TLR5: variants seen among roughly 807,000 people sequenced by gnomAD.
TLR5 encodes the protein toll like receptor 5, also known as toll-like receptor 5.
For missense variants in TLR5, 944 were observed against 999.8 expected, an observed-to-expected ratio of 0.94 and a Z score of 0.75; for synonymous variants, 373 against 384.4, an observed-to-expected ratio of 0.97 and a Z score of 0.35.
At chr1:223,123,955 C>G (rs1657051804) in intron 5 of TLR5, 1 of 152,226 alleles carries the variant, frequency 6.6e-6, no homozygotes, top group Non-Finnish European at 1.5e-5. Context: ...GGGCAGTGAG[C>G]TGCTCACTCA....
rs1414749227 is a variant in TLR5, at chr1:223,111,906, G to C, written c.1126C>G (p.Gln376Glu). ...TCCAGGAATTTGAATGTTTGGTCTT[G>C]AATTATTGCAATGTGATTCTTTTGC... ...DLQKNHIAIIQDQTFKFLEKL... is the reference protein window; with the variant it reads ...DLQKNHIAIIEDQTFKFLEKL... Residue 376 changes from glutamine to glutamate, a missense_variant, in exon 6 of 6, where the codon CAA (glutamine) becomes GAA (glutamate). Gln to Glu is a conservative substitution (Grantham distance 29, BLOSUM62 2). Coordinates refer to ENST00000642603, the MANE Select transcript of TLR5 (RefSeq NM_003268.6). 1.2e-6 allele frequency: 2 copies of C among 1,614,060 alleles called. No homozygotes were observed. The highest frequency in any genetic ancestry group is 3.3e-5 in the Admixed American group (2 of 60,022).
chr1:223,113,115 T>G, intron 5 of TLR5, 80 bp from the exon 6 acceptor site: 1 of 1,369,588 alleles, frequency 7.3e-7, no homozygotes, highest in East Asian at 2.3e-5. Flanking sequence ...CTTGGGGGTA[T>G]TCTCTATGAT....
At chr1:223,126,218 GA>G (rs1657160179) in intron 5 of TLR5, among the ~76,000 whole-genome samples, 1 of 152,204 alleles carries the variant, frequency 6.6e-6, no homozygotes, top group African/African-American at 2.4e-5. Context: ...GATGAACTTT[GA>G]AGACATTATG....
intron 2 of TLR5, among the ~76,000 whole-genome samples, chr1:223,139,737 T>C (rs571561925): frequency 9.2e-5 from 14 of 152,138 alleles, no homozygotes; most frequent in African/African-American, 3.4e-4. Flanking sequence ...GTGAAGGCAA[T>C]AGGGGGTGCT....
intron 2 of TLR5, among the ~76,000 whole-genome samples, chr1:223,138,496 C>T (rs1020851740): frequency 1.3e-5 from 2 of 152,130 alleles, no homozygotes; most frequent in Non-Finnish European, 2.9e-5. Flanking sequence ...TCAGTGACCA[C>T]ATTTGCTTTC....
chr1:223,132,180 T>C (rs1184241631), intron 5 of TLR5, among the ~76,000 whole-genome samples: 3 of 151,996 alleles, frequency 2.0e-5, no homozygotes, highest in Admixed American at 6.6e-5. Context: ...CTGGGCCACA[T>C]AGTGAGACCT....
At chr1:223,117,453 G>A (rs541371981) in intron 5 of TLR5, among the ~76,000 whole-genome samples, 1 of 151,378 alleles carries the variant, frequency 6.6e-6, no homozygotes, top group African/African-American at 2.4e-5. Flanking sequence ...AGGAGGCACC[G>A]AGAGTGAGCG....
At chr1:223,120,787 A>G (rs1240202421) in intron 5 of TLR5, among the ~76,000 whole-genome samples, 1 of 152,210 alleles carries the variant, frequency 6.6e-6, no homozygotes, top group East Asian at 1.9e-4. Context: ...TGTAATAAAA[A>G]AGTTTGAGAA....
chr1:223,119,731 G>A lies in TLR5; in HGVS notation c.-4-6696C>T, dbSNP rs367896945. Reference sequence around the variant, plus strand: ...TCCCAGCACTTTGGGAGGCCAAGGTGGGCAGATCATCTGAGGTCAGGAGTT... The same window carrying A: ...TCCCAGCACTTTGGGAGGCCAAGGTAGGCAGATCATCTGAGGTCAGGAGTT... On this transcript the variant is annotated intron_variant, in intron 5 of 5. Transcript: ENST00000642603. 2.6e-5 allele frequency among the ~76,000 whole-genome samples: 4 copies of A among 151,728 alleles called. No individual in the cohort carries two copies. The East Asian group carries it at 5.9e-4, about 22-fold the overall frequency.
rs760993518 is a variant in TLR5 at position 223,112,871 on chromosome 1, C to T, written c.161G>A (p.Ser54Asn). 1.2e-6 allele frequency: 2 copies of T among 1,613,980 alleles called. No individual in the cohort carries two copies. Among genetic ancestry groups the T allele is most frequent in the Admixed American group, 1.7e-5 (1 of 60,014 alleles). The change falls in exon 6 of 6, where the codon AGC (serine) becomes AAC (asparagine). Residue 54 changes from serine to asparagine, a missense_variant. Physicochemically the swap from Ser to Asn is conservative, Grantham distance 46 (BLOSUM62 1). Coordinates refer to ENST00000642603, the MANE Select transcript of TLR5 (RefSeq NM_003268.6). ...AGTGACTGTCCTGATATAGTTGAAG[C>T]TCAGCAGGAGCCTCTCAGTGGTGTT... ...VLNTTERLLLSFNYIRTVTAS... is the reference protein window; with the variant it reads ...VLNTTERLLLNFNYIRTVTAS...
rs1656277772 is a variant in TLR5, at chr1:223,110,781, T to G, written c.2251A>C (p.Ser751Arg). ...IANIQDAIWNSRKIVCLVSRH... is the reference protein window; with the variant it reads ...IANIQDAIWNRRKIVCLVSRH... ...CTCACAAGACAAACGATCTTTCTAC[T>G]GTTCCAGATGGCATCCTGGATATTG... is the stretch of plus-strand genomic sequence containing the variant. Residue 751 changes from serine to arginine, a missense_variant, in exon 6 of 6, where the codon AGT becomes CGT. Transcript: ENST00000642603. 6.2e-7 allele frequency: 1 copy of G among 1,614,136 alleles called. No homozygotes were observed. Among genetic ancestry groups the G allele is most frequent in the Admixed American group, 1.7e-5 (1 of 60,002 alleles).
intron 2 of TLR5, chr1:223,141,347 A>G (rs1487950604): frequency 1.3e-5 from 2 of 152,102 alleles, no homozygotes; most frequent in African/African-American, 2.4e-5. Flanking sequence ...TGGCACCTAC[A>G]TGCTTTTTGC....
chr1:223,122,607 T>C (rs1656998373), intron 5 of TLR5, among the ~76,000 whole-genome samples: 1 of 152,228 alleles, frequency 6.6e-6, no homozygotes, highest in African/African-American at 2.4e-5. Flanking sequence ...GATTCTGAAG[T>C]GCCCTAACAA....
chr1:223,125,396 G>A (rs535930469), intron 5 of TLR5, among the ~76,000 whole-genome samples: 242 of 152,316 alleles, frequency 1.6e-3, no homozygotes, highest in African/African-American at 5.3e-3. Context: ...GGGAATGAGT[G>A]CAGACTCAGA....
chr1:223,111,525 G>T lies in TLR5; in HGVS notation c.1507C>A (p.His503Asn). The T allele has an allele frequency of 6.2e-7, 1 of 1,614,176 alleles. No homozygotes were observed. Among genetic ancestry groups the T allele is most frequent in the Non-Finnish European group, 8.5e-7 (1 of 1,180,040 alleles). Residue 503 changes from histidine to asparagine, a missense_variant, in exon 6 of 6, where the codon CAT (histidine) becomes AAT (asparagine). Coordinates refer to ENST00000642603, the MANE Select transcript of TLR5 (RefSeq NM_003268.6). Reference protein sequence around the residue: ...LCWDVFEGLSHLQVLYLNHNY... With the variant: ...LCWDVFEGLSNLQVLYLNHNY... Reference sequence around the variant, plus strand: ...TGATTCAAATACAGAACTTGAAGATGAGAAAGTCCCTCAAAAACATCCCAA... The same window carrying T: ...TGATTCAAATACAGAACTTGAAGATTAGAAAGTCCCTCAAAAACATCCCAA...
At chr1:223,137,689 A>G (rs5744132) in intron 2 of TLR5, among the ~76,000 whole-genome samples, 133 of 152,306 alleles carry the variant, frequency 8.7e-4, no homozygotes, top group African/African-American at 3.0e-3. Context: ...TTTAAATGAA[A>G]TATAACCAAG....
chr1:223,111,331 T>C lies in TLR5; in HGVS notation c.1701A>G (p.Val567=). The C allele has an allele frequency of 6.2e-7, 1 of 1,614,136 alleles. No homozygotes were observed. The highest frequency in any genetic ancestry group is 8.5e-7 in the Non-Finnish European group (1 of 1,180,030). Residue 567 remains valine (V), a synonymous_variant, in exon 6 of 6, where the codon GTA becomes GTG. Transcript: ENST00000642603. ...RNQLLAPNPD[V]FVSLSVLDIT... ...TATCCAAGACACTAAGTGATACAAA[T>C]ACATCAGGATTAGGAGCTAGGAGCT...
In TLR5 at chr1:223,120,757, C is replaced by T. The variant is rs78192591; in HGVS notation, c.-4-7722G>A. Among the ~76,000 whole-genome samples, 1,097 of 152,298 alleles carry T rather than the reference C, an allele frequency of 7.2e-3. 12 individuals carry two copies. Among genetic ancestry groups the T allele is most frequent in the African/African-American group, 0.025 (1,051 of 41,574 alleles). ...TTATGTGTGAGCAAATTTACTTAGT[C>T]CTCATTTCAAAATGTCAAGTGTAAT... On this transcript the variant is annotated intron_variant, in intron 5 of 5. Coordinates refer to ENST00000642603, the MANE Select transcript of TLR5 (RefSeq NM_003268.6).
chr1:223,127,489 T>C (rs943700328), intron 5 of TLR5: 4 of 152,088 alleles, frequency 2.6e-5, no homozygotes, highest in Admixed American at 6.5e-5. Flanking sequence ...GACAAATACA[T>C]TCTCTAGCTG....
Sources: allele counts gnomAD v4.1 joint callset (sites outside exome capture counted in the v4.1 genomes callset), GRCh38; gene constraint gnomAD v4.1.1; transcripts MANE v1.5; gene names NCBI Gene and HGNC (gene_info 2026-07-23, HGNC 2026-07-21).